Variants in GDNF observed in about 807,000 individuals in gnomAD.
GDNF encodes glial cell derived neurotrophic factor.
Under a neutral mutation model 13.7 loss-of-function variants are expected in GDNF, and 5 were observed. The ratio of observed to expected loss-of-function variants is 0.36; its 90% confidence interval spans 0.19 to 0.77. The LOEUF is 0.77. Among genes scored for constraint, GDNF ranks in the 30% least tolerant of loss-of-function variants. GDNF has a pLI of 0.51. For synonymous variants in GDNF, 122 were observed against 112.5 expected (o/e 1.08, Z -0.53); for missense variants, 246 against 274.3 (o/e 0.90, Z 0.73).
Position 37,815,439 on chromosome 5 carries a change from G to C in GDNF, c.*212C>G. ...GGCTGTTTTCTCTCTCTCCTGTCCA[G>C]TTGTCTGTAGCTGGATCTCCCTCTA... is the stretch of plus-strand genomic sequence containing the variant. On this transcript the variant is annotated 3_prime_UTR_variant, in exon 3 of 3. Transcript: ENST00000326524. This position sits in a 1 kb window ranked among gnomAD's most constrained non-coding sequence, Gnocchi z 5.0. 1 of 616,198 alleles carries C rather than the reference G, an allele frequency of 1.6e-6. No individual in the cohort carries two copies. The allele number at this position is 616,198 out of a possible 1,614,324, so 38.2% of individuals were successfully genotyped here.
In GDNF at chr5:37,815,520, C is replaced by CTCT. The variant is rs1259576454; in HGVS notation, c.*128_*130dup. ...CCTCCTCCTCCTCCTCCTCCTCCTC[C>CTCT]TCTTCTTCTTCCTCCTCCTCCGCCT... On this transcript the variant is annotated 3_prime_UTR_variant, in exon 3 of 3. Coordinates refer to ENST00000326524, the MANE Select transcript of GDNF (RefSeq NM_000514.4). This position sits in a 1 kb window ranked among gnomAD's most constrained non-coding sequence, Gnocchi z 5.0. 3.5e-5 allele frequency: 26 copies of CTCT among 740,042 alleles called. No homozygotes were observed. Among genetic ancestry groups the CTCT allele is most frequent in the Non-Finnish European group, 4.3e-5 (19 of 439,306 alleles). The allele number at this position is 740,042 out of a possible 1,614,324, so 45.8% of individuals were successfully genotyped here. A position where few individuals can be genotyped will look rare whatever the true frequency, so the allele number is the denominator to read the frequency against.
chr5:37,829,388 G>A (rs552354150), intron 2 of GDNF, among the ~76,000 whole-genome samples: 10 of 152,040 alleles, frequency 6.6e-5, no homozygotes, highest in Non-Finnish European at 1.5e-4. Context: ...TACCACACAT[G>A]CGTACAGCTC....
chr5:37,827,773 T>C (rs1004906197), intron 2 of GDNF, among the ~76,000 whole-genome samples: 3 of 152,236 alleles, frequency 2.0e-5, no homozygotes, highest in Non-Finnish European at 4.4e-5. Flanking sequence ...TCATTTTCCA[T>C]GAACTAAATA....
At position 37,816,064 on chromosome 5, in the gene GDNF, G is replaced by T; in HGVS notation, c.223C>A (p.Leu75Met). 6.2e-7 allele frequency: 1 copy of T among 1,613,534 alleles called. No individual in the cohort carries two copies. Among genetic ancestry groups the T allele is most frequent in the Non-Finnish European group, 8.5e-7 (1 of 1,179,498 alleles). ...ATTTGTTTATCTGGTGACCTTTTCA[G>T]TCTTTTAATGGTGGCTTGAATAAAA... The part of the protein sequence containing the change: ...MDFIQATIKR[L>M]KRSPDKQMAV... The change falls in exon 3 of 3, where the codon CTG becomes ATG. Residue 75 changes from leucine to methionine, a missense_variant. Leu to Met is a conservative substitution (Grantham distance 15, BLOSUM62 2). Coordinates refer to ENST00000326524, the MANE Select transcript of GDNF (RefSeq NM_000514.4).
At chr5:37,821,920 C>T (rs1043820754) in intron 2 of GDNF, among the ~76,000 whole-genome samples, 10 of 152,278 alleles carry the variant, frequency 6.6e-5, no homozygotes, top group Admixed American at 4.6e-4. Flanking sequence ...AAAGTCTTTT[C>T]GTAAAATGCC....
In GDNF at chr5:37,838,911, G is replaced by T. The variant is rs541105752; in HGVS notation, c.-27+596C>A. The stretch of plus-strand genomic sequence containing the variant: ...CTCCTAACCTCGACGGGGATGGTTA[G>T]TTGGGGTGGAGGGCGTTAGGAACGT... On this transcript the variant is annotated intron_variant, in intron 1 of 2. Coordinates refer to ENST00000326524, the MANE Select transcript of GDNF (RefSeq NM_000514.4). This position sits in a 1 kb window ranked among gnomAD's most constrained non-coding sequence, Gnocchi z 4.1. Among the ~76,000 whole-genome samples, 188 of 152,318 alleles carry T rather than the reference G, an allele frequency of 1.2e-3. 1 individual carries two copies. The highest frequency in any genetic ancestry group is 4.1e-3 in the African/African-American group (170 of 41,574).
Position 37,815,440 on chromosome 5 carries a change from T to C in GDNF, c.*211A>G, listed in dbSNP as rs981068338. The stretch of plus-strand genomic sequence containing the variant: ...GCTGTTTTCTCTCTCTCCTGTCCAG[T>C]TGTCTGTAGCTGGATCTCCCTCTAC... On this transcript the variant is annotated 3_prime_UTR_variant, in exon 3 of 3. Transcript: ENST00000326524. The surrounding 1 kb of genome is among the most constrained non-coding windows in gnomAD (Gnocchi z 5.0). The C allele has an allele frequency of 4.9e-6, 3 of 615,232 alleles. No individual in the cohort carries two copies. The highest frequency in any genetic ancestry group is 8.7e-6 in the Non-Finnish European group (3 of 344,568). 38.1% of individuals were successfully genotyped at this position (615,232 alleles called of 1,614,324 possible).
At chr5:37,818,930 C>T (rs1483373952) in intron 2 of GDNF, among the ~76,000 whole-genome samples, 1 of 152,136 alleles carries the variant, frequency 6.6e-6, no homozygotes, top group Non-Finnish European at 1.5e-5. Flanking sequence ...TGCCCTGCGC[C>T]TCCCCCTCCA....
chr5:37,817,916 A>G (rs1025486740), intron 2 of GDNF, among the ~76,000 whole-genome samples: 1 of 152,156 alleles, frequency 6.6e-6, no homozygotes, highest in Non-Finnish European at 1.5e-5. Flanking sequence ...AAAACCTTCC[A>G]ATAGCTCTCT....
At chr5:37,821,499 C>T (rs1750139520) in intron 2 of GDNF, among the ~76,000 whole-genome samples, 1 of 152,072 alleles carries the variant, frequency 6.6e-6, no homozygotes, top group Admixed American at 6.6e-5. Flanking sequence ...GAGGATATAT[C>T]TTGGAAAACA....
rs991983194 is a variant in GDNF at position 37,838,369 on chromosome 5, C to G, written c.-27+1138G>C. Reference sequence around the variant, plus strand: ...CGAGTTTGGTCGAGGCCGGCTTTGACGGCTTTGCGGGACTGGGTGCGTGAA... The same window carrying G: ...CGAGTTTGGTCGAGGCCGGCTTTGAGGGCTTTGCGGGACTGGGTGCGTGAA... On this transcript the variant is annotated intron_variant, in intron 1 of 2. Transcript: ENST00000326524. The surrounding 1 kb of genome is among the most constrained non-coding windows in gnomAD (Gnocchi z 4.1). 6.6e-6 allele frequency among the ~76,000 whole-genome samples: 1 copy of G among 152,248 alleles called. No homozygotes were observed. Among genetic ancestry groups the G allele is most frequent in the Non-Finnish European group, 1.5e-5 (1 of 68,042 alleles).
At chr5:37,835,754 C>T in intron 1 of GDNF, 1 of 1,060,208 alleles carries the variant, frequency 9.4e-7, no homozygotes, top group Non-Finnish European at 1.4e-6. Flanking sequence ...AATCCCTTCC[C>T]CTCCCAGAGG....
At chr5:37,823,950 C>T (rs1750224252) in intron 2 of GDNF, 1 of 503,740 alleles carries the variant, frequency 2.0e-6, no homozygotes, top group Non-Finnish European at 2.6e-6. Context: ...CATCAGGGGC[C>T]CCATAAAACC....
intron 2 of GDNF, among the ~76,000 whole-genome samples, chr5:37,830,058 T>C (rs1241160913): frequency 6.6e-6 from 1 of 152,260 alleles, no homozygotes; most frequent in Non-Finnish European, 1.5e-5. Context: ...TTCTAAATTC[T>C]GTATTTCATA....
At position 37,813,287 on chromosome 5, in the gene GDNF, T is replaced by C. The variant is rs977136010; in HGVS notation, c.*2364A>G. The C allele has an allele frequency of 1.3e-5, 2 of 152,208 alleles. No individual in the cohort carries two copies. The highest frequency in any genetic ancestry group is 4.8e-5 in the African/African-American group (2 of 41,448). The allele number at this position is 152,208 out of a possible 1,614,324, so 9.4% of individuals were successfully genotyped here. On this transcript the variant is annotated 3_prime_UTR_variant, in exon 3 of 3. Transcript: ENST00000326524. The stretch of plus-strand genomic sequence containing the variant: ...GGTATTTTGGGGGAAGGGGATCAGA[T>C]GTCTGGTAACTGCTGCTTCTTGTTA...
At chr5:37,819,929 C>T (rs1488315505) in intron 2 of GDNF, among the ~76,000 whole-genome samples, 2 of 151,698 alleles carry the variant, frequency 1.3e-5, no homozygotes, top group Non-Finnish European at 2.9e-5. Context: ...CAATAATAAG[C>T]TATTAAAGAG....
rs143543100 is a variant in GDNF at position 37,829,025 on chromosome 5, C to T, written c.151+5621G>A. Reference sequence around the variant, plus strand: ...GAAGCAAGATCCCGCCTTGTAGTCACCTGCCTGCTCCATGGGTGCCCCACT... The same window carrying T: ...GAAGCAAGATCCCGCCTTGTAGTCATCTGCCTGCTCCATGGGTGCCCCACT... On this transcript the variant is annotated intron_variant, in intron 2 of 2. Coordinates refer to ENST00000326524, the MANE Select transcript of GDNF (RefSeq NM_000514.4). Among the ~76,000 whole-genome samples, 558 of 152,390 alleles carry T rather than the reference C, an allele frequency of 3.7e-3. 4 individuals carry two copies. The highest frequency in any genetic ancestry group is 0.012 in the African/African-American group (516 of 41,590).
chr5:37,823,567 C>T (rs1750212983), intron 2 of GDNF, among the ~76,000 whole-genome samples: 1 of 152,182 alleles, frequency 6.6e-6, no homozygotes, highest in Non-Finnish European at 1.5e-5. Flanking sequence ...CTGGCGATTT[C>T]CCAGTTAAAA....
intron 2 of GDNF, among the ~76,000 whole-genome samples, chr5:37,827,139 G>A (rs1750354767): frequency 6.6e-6 from 1 of 151,762 alleles, no homozygotes. Flanking sequence ...AAAAAGACTT[G>A]GGAATCATTT....
Sources: allele counts gnomAD v4.1 joint callset (sites outside exome capture counted in the v4.1 genomes callset), GRCh38; gene constraint gnomAD v4.1.1; non-coding constraint Gnocchi (gnomAD v3.1); transcripts MANE v1.5; gene names NCBI Gene and HGNC (gene_info 2026-07-23, HGNC 2026-07-21).